CLASP1: variants seen among roughly 807,000 people sequenced by gnomAD.
The protein encoded by CLASP1 is CLIP-associating protein 1.
In CLASP1, 38 loss-of-function variants were observed where a neutral mutation model predicts 192.3. That is an observed-to-expected ratio of 0.20 (90% confidence interval 0.15 to 0.26). The LOEUF (loss-of-function observed/expected upper bound fraction) is 0.26. CLASP1 is among the 10% of genes least tolerant of loss of function. The probability of loss-of-function intolerance (pLI) is 1.00; values close to 1 mark genes in which losing one functional copy is unlikely to be tolerated. For missense variants in CLASP1, 1,433 were observed against 1,932.5 expected (o/e 0.74, Z 4.85); for synonymous variants, 691 against 712.8 (o/e 0.97, Z 0.49).
At chr2:121,488,894 T>C (rs1286098828) in intron 8 of CLASP1, among the ~76,000 whole-genome samples, 3 of 152,208 alleles carry the variant, frequency 2.0e-5, no homozygotes, top group Non-Finnish European at 4.4e-5. Context: ...TTCCAGGTGA[T>C]AGTGACTAAG....
chr2:121,622,958 T>A (rs1261945185), intron 1 of CLASP1, among the ~76,000 whole-genome samples: 2 of 152,148 alleles, frequency 1.3e-5, no homozygotes, highest in African/African-American at 4.8e-5. Flanking sequence ...GCGCAGTGGC[T>A]CACACCTATA....
chr2:121,606,624 T>C (rs1266305265), intron 1 of CLASP1, among the ~76,000 whole-genome samples: 3 of 152,282 alleles, frequency 2.0e-5, no homozygotes, highest in South Asian at 4.1e-4. Context: ...GAAGGCTCTA[T>C]AGAAAACACT....
At chr2:121,430,007 G>A (rs1455350597) in intron 20 of CLASP1, 66 bp downstream of exon 20, 4 of 1,212,394 alleles carry the variant, frequency 3.3e-6, no homozygotes, top group South Asian at 1.3e-5. Context: ...ATTGTAAAAT[G>A]TTCAACTGCA....
chr2:121,451,294 T>C (rs1193341489), intron 15 of CLASP1, among the ~76,000 whole-genome samples: 2 of 152,244 alleles, frequency 1.3e-5, no homozygotes, highest in African/African-American at 2.4e-5. Flanking sequence ...TGTGCACTTA[T>C]AGCTCAATCT....
intron 2 of CLASP1, chr2:121,532,804 G>A (rs1266753694): frequency 2.6e-5 from 4 of 152,084 alleles, no homozygotes; most frequent in Non-Finnish European, 5.9e-5. Flanking sequence ...CATCAATACT[G>A]GCTCATTAAT....
intron 19 of CLASP1, among the ~76,000 whole-genome samples, chr2:121,443,015 A>G (rs2149741700): frequency 6.6e-6 from 1 of 152,254 alleles, no homozygotes; most frequent in East Asian, 1.9e-4. Flanking sequence ...CACTGCTGAA[A>G]CCAACAGAAC....
At position 121,542,264 on chromosome 2, in the gene CLASP1, G is replaced by T. The variant is rs557019878; in HGVS notation, c.196-11939C>A. ...GTGCTCTCATCCTCTTAGTACAAAT[G>T]CTGAAAACATTTGCTGAGTCAAAAA... is the stretch of plus-strand genomic sequence containing the variant. On this transcript the variant is annotated intron_variant, in intron 2 of 39. Coordinates refer to ENST00000263710, the Ensembl canonical transcript of CLASP1. Among the ~76,000 whole-genome samples, 4 of 152,320 alleles carry T rather than the reference G, an allele frequency of 2.6e-5. No individual in the cohort carries two copies. In the South Asian group the frequency reaches 8.3e-4, roughly 32 times the overall value.
intron 1 of CLASP1, among the ~76,000 whole-genome samples, chr2:121,607,074 G>A (rs904680615): frequency 6.6e-6 from 1 of 151,186 alleles, no homozygotes; most frequent in Non-Finnish European, 1.5e-5. Context: ...GGGTACGGTG[G>A]CTCACACCTG....
intron 8 of CLASP1, among the ~76,000 whole-genome samples, chr2:121,487,198 C>A (rs2093030302): frequency 6.6e-6 from 1 of 152,166 alleles, no homozygotes; most frequent in African/African-American, 2.4e-5. Context: ...CTGCTTAGAA[C>A]CACCTCTCAC....
chr2:121,452,872 T>G (rs910106087), intron 14 of CLASP1, among the ~76,000 whole-genome samples: 1 of 152,238 alleles, frequency 6.6e-6, no homozygotes, highest in Non-Finnish European at 1.5e-5. Flanking sequence ...TAAATCCTAA[T>G]AGTCCTAGGA....
chr2:121,645,618 G>A (rs372786786), intron 1 of CLASP1, among the ~76,000 whole-genome samples: 9 of 152,336 alleles, frequency 5.9e-5, no homozygotes, highest in African/African-American at 1.4e-4. Flanking sequence ...GTGCCATCAA[G>A]GATCTAGAGA....
At chr2:121,577,241 T>C (rs1425905202) in intron 2 of CLASP1, among the ~76,000 whole-genome samples, 1 of 150,638 alleles carries the variant, frequency 6.6e-6, no homozygotes, top group Non-Finnish European at 1.5e-5. Flanking sequence ...AAAAAATCCA[T>C]GACAAAAGGT....
intron 9 of CLASP1, among the ~76,000 whole-genome samples, chr2:121,467,951 G>C (rs975320497): frequency 2.0e-5 from 3 of 152,136 alleles, no homozygotes; most frequent in Non-Finnish European, 4.4e-5. Context: ...CATCCATCTT[G>C]AGTTGATTTT....
exon 40 of CLASP1, chr2:121,340,784 G>T: frequency 9.1e-7 from 1 of 1,099,902 alleles, no homozygotes; most frequent in Non-Finnish European, 1.4e-6. Context: ...CTGGGCAGCC[G>T]ATGAAGGGGG....
At chr2:121,531,067 G>T (rs550791516) in intron 2 of CLASP1, 1 of 691,832 alleles carries the variant, frequency 1.4e-6, no homozygotes, top group African/African-American at 1.8e-5. Flanking sequence ...AAATAAACTA[G>T]TACTTTGTGG....
At chr2:121,464,145 T>G (rs2088859905) in intron 9 of CLASP1, among the ~76,000 whole-genome samples, 1 of 152,066 alleles carries the variant, frequency 6.6e-6, no homozygotes, top group Non-Finnish European at 1.5e-5. Flanking sequence ...GATTTCCAAT[T>G]TCATCCATGT....
At chr2:121,645,199 A>G (rs1043184910) in intron 1 of CLASP1, among the ~76,000 whole-genome samples, 5 of 152,198 alleles carry the variant, frequency 3.3e-5, no homozygotes, top group African/African-American at 1.2e-4. Context: ...TAATAAGTAA[A>G]TTAATCAATA....
rs574727780 is a variant in CLASP1 at position 121,545,896 on chromosome 2, T to C, written c.196-15571A>G. Reference sequence around the variant, plus strand: ...GTGTCTCAGAATTGAAATTCTATTATAGTTTGCTCATTACTTAAAAAAAAA... The same window carrying C: ...GTGTCTCAGAATTGAAATTCTATTACAGTTTGCTCATTACTTAAAAAAAAA... On this transcript the variant is annotated intron_variant, in intron 2 of 39. Coordinates refer to ENST00000263710, the Ensembl canonical transcript of CLASP1. Among the ~76,000 whole-genome samples, 12 of 149,084 alleles carry C rather than the reference T, an allele frequency of 8.0e-5. 1 individual carries two copies. The highest frequency in any genetic ancestry group is 6.8e-3 in the Middle Eastern group (2 of 294).
exon 40 of CLASP1, chr2:121,340,783 C>CAAT (rs2062688815): frequency 9.2e-7 from 1 of 1,088,480 alleles, no homozygotes; most frequent in African/African-American, 1.6e-5. Flanking sequence ...ACTGGGCAGC[C>CAAT]GATGAAGGGG....
Sources: gnomAD v4.1 joint callset for allele counts (sites outside exome capture counted in the v4.1 genomes callset) on GRCh38, gnomAD v4.1.1 for gene constraint, MANE v1.5 for transcripts, NCBI Gene and HGNC (gene_info 2026-07-23, HGNC 2026-07-21) for gene names.